TSPAN16: variants seen among roughly 807,000 people sequenced by gnomAD.
The protein encoded by TSPAN16 is tetraspanin-16.
In TSPAN16, 23 loss-of-function variants were observed where a neutral mutation model predicts 25.2. That is an observed-to-expected ratio of 0.91 (90% CI 0.66 to 1.29). The LOEUF is 1.29. Ranked by LOEUF, TSPAN16 falls within the 50% of genes most tolerant of loss-of-function variation. TSPAN16 has a pLI of 0.00. For synonymous variants in TSPAN16, 123 were observed against 124.4 expected (o/e 0.99, Z 0.08); for missense variants, 272 against 299.9 (o/e 0.91, Z 0.69).
Position 11,298,199 on chromosome 19 carries a change from C to T in TSPAN16, c.127C>T (p.Leu43=). The T allele has an allele frequency of 6.2e-7, 1 of 1,614,210 alleles. No individual in the cohort carries two copies. Among genetic ancestry groups the T allele is most frequent in the Non-Finnish European group, 8.5e-7 (1 of 1,180,040 alleles). The change falls in exon 2 of 7, where the codon CTG becomes TTG. Residue 43 remains leucine (L), a synonymous_variant. Coordinates refer to ENST00000590327, the MANE Select transcript of TSPAN16 (RefSeq NM_001282509.2). The part of the protein sequence containing the change: ...GIGGKCGGAS[L]TNVLGLSSAY... Reference sequence around the variant, plus strand: ...TGGTGGTAAATGTGGAGGGGCCTCTCTGACGAATGTCCTCGGGCTGTCCTC... The same window carrying T: ...TGGTGGTAAATGTGGAGGGGCCTCTTTGACGAATGTCCTCGGGCTGTCCTC...
intron 3 of TSPAN16, 160 bp from the exon 4 acceptor site, chr19:11,301,041 G>C (rs1472096440): frequency 1.7e-6 from 1 of 596,798 alleles, no homozygotes. Context: ...AGTAGCCTTC[G>C]TGTGTCTTCC....
intron 5 of TSPAN16, among the ~76,000 whole-genome samples, chr19:11,309,901 G>A (rs1274434118): frequency 6.6e-6 from 1 of 152,132 alleles, no homozygotes; most frequent in Non-Finnish European, 1.5e-5. Flanking sequence ...AGGAGTTCAA[G>A]ACCAGCCTGA....
At position 11,301,416 on chromosome 19, in the gene TSPAN16, G is replaced by C. The variant is rs10407713; in HGVS notation, c.450+108G>C. ...GCACTTTGGGAGGCCGAGGTGGGAG[G>C]ATCACTTGAGGTCAGGAGTTTGAGA... is the stretch of plus-strand genomic sequence containing the variant. On this transcript the variant is annotated intron_variant, in intron 4 of 6. Transcript: ENST00000590327. 196 of 734,122 alleles carry C rather than the reference G, an allele frequency of 2.7e-4. 1 individual carries two copies. In the African/African-American group the frequency reaches 3.1e-3, roughly 12 times the overall value. The allele number at this position is 734,122 out of a possible 1,614,324, so 45.5% of individuals were successfully genotyped here.
chr19:11,323,258 G>C (rs868153881), intron 6 of TSPAN16: 15 of 152,294 alleles, frequency 9.8e-5, no homozygotes, highest in Non-Finnish European at 1.9e-4. Context: ...TTTGTGCATA[G>C]GATTTGTCCA....
At chr19:11,326,134 A>C (rs1306177011) in intron 6 of TSPAN16, among the ~76,000 whole-genome samples, 2 of 151,820 alleles carry the variant, frequency 1.3e-5, no homozygotes, top group South Asian at 4.1e-4. Flanking sequence ...AGGCAGGAGA[A>C]TTGCTTGAAT....
At chr19:11,303,481 T>C (rs1213479530) in intron 4 of TSPAN16, among the ~76,000 whole-genome samples, 3 of 139,602 alleles carry the variant, frequency 2.1e-5, no homozygotes, top group East Asian at 4.0e-4. Flanking sequence ...GTTTATCTGC[T>C]GACCTTCCCT....
intron 4 of TSPAN16, among the ~76,000 whole-genome samples, chr19:11,303,856 C>G (rs1179317087): frequency 1.3e-5 from 2 of 151,210 alleles, no homozygotes; most frequent in Non-Finnish European, 2.9e-5. Context: ...CAATCTTGGC[C>G]CACTGCAACC....
chr19:11,301,534 G>A (rs1002973594), intron 4 of TSPAN16, among the ~76,000 whole-genome samples: 2 of 151,950 alleles, frequency 1.3e-5, no homozygotes, highest in African/African-American at 4.8e-5. Context: ...CAGCTACTCA[G>A]GAGGCTGAGG....
At chr19:11,296,465 G>A in intron 1 of TSPAN16, 99 bp downstream of exon 1, 2 of 1,280,686 alleles carry the variant, frequency 1.6e-6, no homozygotes, top group Non-Finnish European at 2.3e-6. Context: ...TTGGCATCGA[G>A]ATCTGTGGTT....
chr19:11,304,959 T>TA (rs34791668), intron 4 of TSPAN16, among the ~76,000 whole-genome samples: 46 of 145,548 alleles, frequency 3.2e-4, no homozygotes, highest in East Asian at 2.0e-3. Flanking sequence ...CTTCATTTAT[T>TA]AAAAAAAAAA....
At chr19:11,325,315 T>C in intron 6 of TSPAN16, 1 of 871,138 alleles carries the variant, frequency 1.1e-6, no homozygotes, top group Non-Finnish European at 1.7e-6. Context: ...GCCCTGAGCT[T>C]GGAGATAACC....
chr19:11,301,226 C>T lies in TSPAN16; in HGVS notation c.368C>T (p.Thr123Ile), dbSNP rs1189304873. The T allele has an allele frequency of 6.2e-7, 1 of 1,614,026 alleles. No homozygotes were observed. Among genetic ancestry groups the T allele is most frequent in the South Asian group, 1.1e-5 (1 of 91,078 alleles). ...GTTGGAGATGTGGCCTTGGAACACA[C>T]CTTCGTGACCCTGAGGAAGAATTAC... is the stretch of plus-strand genomic sequence containing the variant. The part of the protein sequence containing the change: ...PIVGDVALEH[T>I]FVTLRKNYRG... The change falls in exon 4 of 7, where the codon ACC becomes ATC. Residue 123 changes from threonine to isoleucine, a missense_variant. By Grantham distance (89) the Thr-to-Ile change is moderately conservative. Transcript: ENST00000590327.
intron 6 of TSPAN16, chr19:11,325,147 C>T (rs1485846704): frequency 1.2e-5 from 5 of 430,964 alleles, no homozygotes; most frequent in East Asian, 4.0e-5. Context: ...AGCTCATGCA[C>T]GTCAGTGTCC....
At chr19:11,305,113 C>T (rs1040811532) in intron 4 of TSPAN16, among the ~76,000 whole-genome samples, 5 of 152,148 alleles carry the variant, frequency 3.3e-5, no homozygotes, top group Non-Finnish European at 5.9e-5. Flanking sequence ...CTTTTGGCTT[C>T]TCAAGCTTGT....
intron 6 of TSPAN16, chr19:11,323,241 C>A (rs1354227933): frequency 6.6e-6 from 1 of 152,158 alleles, no homozygotes; most frequent in East Asian, 1.9e-4. Flanking sequence ...TATTCAGATA[C>A]CCTCACTTTG....
downstream of TSPAN16, among the ~76,000 whole-genome samples, chr19:11,320,552 A>G (rs2080772154): frequency 6.6e-6 from 1 of 152,006 alleles, no homozygotes; most frequent in South Asian, 2.1e-4. Context: ...GCTTGCTTGT[A>G]GTTCCAGAAA....
Position 11,315,235 on chromosome 19 carries a change from CAATAATAAT to C in TSPAN16, c.688-524_688-516del, listed in dbSNP as rs58115943. Among the ~76,000 whole-genome samples the C allele has an allele frequency of 6.5e-3, 809 of 124,738 alleles. 5 individuals are homozygous for C. Among genetic ancestry groups the C allele is most frequent in the South Asian group, 0.019 (69 of 3,700 alleles). The allele number at this position is 124,738 out of a possible 152,430, so 81.8% of individuals were successfully genotyped here. A position where few individuals can be genotyped will look rare whatever the true frequency, so the allele number is the denominator to read the frequency against. On this transcript the variant is annotated intron_variant, in intron 6 of 6. Transcript: ENST00000590327. ...TGGGCAACAGAGTGAGACTCCTTCT[CAATAATAAT>C]AATAATAATAATAATAATAATAATA...
intron 6 of TSPAN16, chr19:11,325,629 GCA>G: frequency 6.4e-7 from 1 of 1,553,826 alleles, no homozygotes; most frequent in African/African-American, 1.4e-5. Flanking sequence ...ACCCCTGAGG[GCA>G]GAGTCTCAGC....
At chr19:11,296,956 C>G (rs890162503) in intron 1 of TSPAN16, among the ~76,000 whole-genome samples, 2 of 152,168 alleles carry the variant, frequency 1.3e-5, no homozygotes, top group Non-Finnish European at 2.9e-5. Context: ...ATGTGAATTG[C>G]TTGAACCTGG....
Sources: gnomAD v4.1 joint callset for allele counts (sites outside exome capture counted in the v4.1 genomes callset) on GRCh38, gnomAD v4.1.1 for gene constraint, MANE v1.5 for transcripts, NCBI Gene and HGNC (gene_info 2026-07-23, HGNC 2026-07-21) for gene names.